Variants in KCNT2 observed in about 807,000 individuals in gnomAD.
The protein encoded by KCNT2 is potassium sodium-activated channel subfamily T member 2.
A neutral mutation model predicts 153.8 loss-of-function variants in KCNT2; 67 were observed. That is an observed-to-expected ratio of 0.44 (90% CI 0.36 to 0.53). KCNT2 has a LOEUF of 0.53. Among genes scored for constraint, KCNT2 ranks in the 20% least tolerant of loss-of-function variants. KCNT2 has a pLI of 0.00. For missense variants in KCNT2, 975 were observed against 1,354.8 expected, an observed-to-expected ratio of 0.72 and a Z score of 4.40; for synonymous variants, 500 against 458.8, an observed-to-expected ratio of 1.09 and a Z score of -1.15.
chr1:196,554,697 C>T (rs1352839144), intron 1 of KCNT2, among the ~76,000 whole-genome samples: 1 of 151,048 alleles, frequency 6.6e-6, no homozygotes, highest in Non-Finnish European at 1.5e-5. Flanking sequence ...AAGAAAACTA[C>T]AGGCCAGTAT....
intron 5 of KCNT2, among the ~76,000 whole-genome samples, chr1:196,472,379 G>T (rs556061074): frequency 6.6e-6 from 1 of 152,230 alleles, no homozygotes; most frequent in South Asian, 2.1e-4. Flanking sequence ...TAACTGCTGA[G>T]CCAATTGAAA....
At chr1:196,572,991 T>C (rs1321149211) in intron 1 of KCNT2, among the ~76,000 whole-genome samples, 5 of 152,104 alleles carry the variant, frequency 3.3e-5, no homozygotes, top group Non-Finnish European at 7.4e-5. Context: ...TAAGCTATTG[T>C]TAACCAAGGC....
intron 14 of KCNT2, among the ~76,000 whole-genome samples, chr1:196,345,431 A>C (rs1249193840): frequency 1.3e-5 from 2 of 152,114 alleles, no homozygotes; most frequent in African/African-American, 4.8e-5. Context: ...AAGAGCAGGG[A>C]AGCCAGTTTA....
chr1:196,480,546 C>G (rs1428904756), intron 4 of KCNT2, among the ~76,000 whole-genome samples: 1 of 151,998 alleles, frequency 6.6e-6, no homozygotes, highest in Admixed American at 6.6e-5. Context: ...TAACATTTTA[C>G]TCAAAGTGCT....
intron 8 of KCNT2, among the ~76,000 whole-genome samples, chr1:196,458,624 G>A (rs760180073): frequency 2.6e-5 from 4 of 151,854 alleles, no homozygotes; most frequent in African/African-American, 7.2e-5. Context: ...CTTAAAATGC[G>A]CTTCTTTTAA....
intron 26 of KCNT2, among the ~76,000 whole-genome samples, chr1:196,250,299 T>C (rs1033623638): frequency 1.3e-5 from 2 of 152,010 alleles, no homozygotes; most frequent in Admixed American, 6.6e-5. Context: ...CACAGACCAA[T>C]GGAACAGATT....
chr1:196,230,229 C>G (rs1441372652), intron 27 of KCNT2, among the ~76,000 whole-genome samples: 1 of 151,980 alleles, frequency 6.6e-6, no homozygotes, highest in Non-Finnish European at 1.5e-5. Context: ...GAAGCCAATA[C>G]TCATTTACCA....
chr1:196,368,446 GATTAATGAA>G (rs1668227349), intron 14 of KCNT2, among the ~76,000 whole-genome samples: 1 of 151,898 alleles, frequency 6.6e-6, no homozygotes, highest in Non-Finnish European at 1.5e-5. Context: ...TTCTTTCTTC[GATTAATGAA>G]CAAACCTAAT....
intron 1 of KCNT2, among the ~76,000 whole-genome samples, chr1:196,533,282 C>T (rs773059908): frequency 7.2e-5 from 11 of 151,966 alleles, no homozygotes; most frequent in Non-Finnish European, 1.5e-4. Flanking sequence ...TATTGGCCTT[C>T]TTAGGACTGC....
At chr1:196,555,777 ATG>A (rs1658565949) in intron 1 of KCNT2, among the ~76,000 whole-genome samples, 1 of 151,454 alleles carries the variant, frequency 6.6e-6, no homozygotes, top group Admixed American at 6.6e-5. Flanking sequence ...CCAAAACAGC[ATG>A]GTAGGTACTG....
chr1:196,455,480 A>C (rs1436181457), intron 8 of KCNT2, among the ~76,000 whole-genome samples: 1 of 151,866 alleles, frequency 6.6e-6, no homozygotes, highest in Non-Finnish European at 1.5e-5. Context: ...CTAATATTTT[A>C]ATCTCTAGAC....
chr1:196,257,925 T>C, intron 26 of KCNT2: 1 of 957,584 alleles, frequency 1.0e-6, no homozygotes, highest in Non-Finnish European at 1.2e-6. Flanking sequence ...AGGGTCTGGC[T>C]CAGAGTTTTT....
intron 1 of KCNT2, among the ~76,000 whole-genome samples, chr1:196,588,602 CTT>C (rs1662966704): frequency 1.3e-5 from 2 of 151,878 alleles, no homozygotes; most frequent in South Asian, 4.1e-4. Context: ...CCTTGTTTGC[CTT>C]TGTTTTCCCA....
At chr1:196,358,698 T>A (rs1046110931) in intron 14 of KCNT2, among the ~76,000 whole-genome samples, 2 of 151,950 alleles carry the variant, frequency 1.3e-5, no homozygotes, top group African/African-American at 4.8e-5. Context: ...TTTAAACAAA[T>A]CTATGTTTAC....
At chr1:196,419,114 T>A (rs1242977656) in intron 12 of KCNT2, among the ~76,000 whole-genome samples, 1 of 152,074 alleles carries the variant, frequency 6.6e-6, no homozygotes, top group Non-Finnish European at 1.5e-5. Flanking sequence ...TTCTTTAAAA[T>A]CTTTAGTTTA....
chr1:196,562,888 C>A (rs780340626), intron 1 of KCNT2, among the ~76,000 whole-genome samples: 7 of 151,990 alleles, frequency 4.6e-5, no homozygotes, highest in Non-Finnish European at 8.8e-5. Context: ...TTTAGCTAAA[C>A]TCTACCATCT....
chr1:196,397,736 T>C (rs536329157), intron 13 of KCNT2, among the ~76,000 whole-genome samples: 2 of 151,672 alleles, frequency 1.3e-5, no homozygotes, highest in South Asian at 2.1e-4. Context: ...TTCAAAATCA[T>C]ACACTAACAG....
rs1405379086 is a variant in KCNT2 at position 196,236,034 on chromosome 1, A to G, written c.3248T>C (p.Ile1083Thr). The G allele has an allele frequency of 6.2e-7, 1 of 1,604,142 alleles. No homozygotes were observed. ...MNDHQSTLSY[I>T]LINPSPDTRI... is the part of the protein sequence containing the mutation. ...GGTATCTGGAGATGGGTTAATCAGG[A>G]TGTAGGAGAGGGTACTTTGATGATC... The change falls in exon 27 of 28, where the codon ATC becomes ACC. Residue 1083 changes from isoleucine (I) to threonine (T), a missense_variant. Transcript: ENST00000294725.
At chr1:196,277,938 TA>T (rs1658729903) in intron 25 of KCNT2, among the ~76,000 whole-genome samples, 1 of 152,152 alleles carries the variant, frequency 6.6e-6, no homozygotes, top group South Asian at 2.1e-4. Context: ...CCTACTTTTT[TA>T]GTTAAAGATT....
Sources: gnomAD v4.1 joint callset for allele counts (sites outside exome capture counted in the v4.1 genomes callset) on GRCh38, gnomAD v4.1.1 for gene constraint, MANE v1.5 for transcripts, NCBI Gene and HGNC (gene_info 2026-07-23, HGNC 2026-07-21) for gene names.